Variants in CDH12 observed in about 807,000 individuals in gnomAD.
The protein encoded by CDH12 is cadherin-12.
Under a neutral mutation model 74.1 loss-of-function variants are expected in CDH12, and 41 were observed. The observed-to-expected ratio is 0.55, with a 90% CI of 0.43 to 0.72. CDH12 has a LOEUF of 0.72. Ranked by LOEUF, CDH12 falls within the 30% of genes least tolerant of loss-of-function variation. The pLI is 0.00. For synonymous variants in CDH12, 399 were observed against 355.0 expected (o/e 1.12, Z -1.39); for missense variants, 945 against 977.2 (o/e 0.97, Z 0.44).
chr5:22,153,901 T>TAC (rs1448948559), intron 4 of CDH12, among the ~76,000 whole-genome samples: 19 of 54,586 alleles, frequency 3.5e-4, no homozygotes, highest in Middle Eastern at 0.013. Context: ...TATATATATA[T>TAC]ATACACACAC....
intron 1 of CDH12, among the ~76,000 whole-genome samples, chr5:22,846,149 T>C (rs749251777): frequency 2.8e-4 from 42 of 152,084 alleles, no homozygotes; most frequent in Admixed American, 1.1e-3. Flanking sequence ...GGATGGATAA[T>C]TATGTTATTT....
chr5:22,051,098 C>T (rs932659686), intron 5 of CDH12, among the ~76,000 whole-genome samples: 1 of 152,094 alleles, frequency 6.6e-6, no homozygotes, highest in African/African-American at 2.4e-5. Flanking sequence ...TATTAAATAA[C>T]TTCTGCTTTA....
chr5:22,401,539 G>C (rs73058178), intron 3 of CDH12, among the ~76,000 whole-genome samples: 7,911 of 152,140 alleles, frequency 0.052, 704 homozygotes, highest in African/African-American at 0.18. Context: ...ATCTAAACTA[G>C]TAATAGACAC....
intron 7 of CDH12, among the ~76,000 whole-genome samples, chr5:21,853,330 C>A (rs532242467): frequency 6.6e-6 from 1 of 151,572 alleles, no homozygotes. Flanking sequence ...TTGTCCTAAG[C>A]CATTCTGGAT....
chr5:22,591,833 G>T (rs1367400368), intron 1 of CDH12, among the ~76,000 whole-genome samples: 2 of 152,092 alleles, frequency 1.3e-5, no homozygotes, highest in Non-Finnish European at 2.9e-5. Flanking sequence ...AAAACTGTAT[G>T]TTGGCATTAC....
chr5:22,359,609 C>A (rs1222189896), intron 3 of CDH12, among the ~76,000 whole-genome samples: 2 of 152,150 alleles, frequency 1.3e-5, no homozygotes, highest in Non-Finnish European at 2.9e-5. Flanking sequence ...CTCTCCACCC[C>A]AAATCAAGAG....
intron 3 of CDH12, among the ~76,000 whole-genome samples, chr5:22,390,732 A>C (rs1485565883): frequency 1.3e-5 from 2 of 152,182 alleles, no homozygotes; most frequent in Admixed American, 1.3e-4. Context: ...GAAAGACAAA[A>C]TTGTGGTCAC....
At chr5:22,612,266 G>GTTA (rs1332683256) in intron 1 of CDH12, among the ~76,000 whole-genome samples, 2 of 152,034 alleles carry the variant, frequency 1.3e-5, no homozygotes, top group Non-Finnish European at 2.9e-5. Flanking sequence ...TTACACTTCT[G>GTTA]TAAATCTTTA....
chr5:22,618,388 T>G (rs1005294810), intron 1 of CDH12, among the ~76,000 whole-genome samples: 2 of 152,126 alleles, frequency 1.3e-5, no homozygotes, highest in Non-Finnish European at 2.9e-5. Flanking sequence ...GTAGCTTTAA[T>G]CAGATATACG....
chr5:22,371,567 A>T (rs1279532368), intron 3 of CDH12, among the ~76,000 whole-genome samples: 2 of 152,150 alleles, frequency 1.3e-5, no homozygotes, highest in African/African-American at 4.8e-5. Context: ...ATTATTTTTT[A>T]ACCAACCACT....
intron 3 of CDH12, among the ~76,000 whole-genome samples, chr5:22,370,634 G>A (rs1320566688): frequency 6.6e-6 from 1 of 152,052 alleles, no homozygotes; most frequent in East Asian, 1.9e-4. Flanking sequence ...ACTCAAAATT[G>A]TAGCACTTAT....
At chr5:22,080,351 GAT>G (rs1251929755) in intron 4 of CDH12, among the ~76,000 whole-genome samples, 9 of 152,168 alleles carry the variant, frequency 5.9e-5, no homozygotes, top group Non-Finnish European at 1.2e-4. Context: ...CTTGAGATAA[GAT>G]ATGAGATGAG....
chr5:21,956,511 A>G (rs1452599827), intron 6 of CDH12, among the ~76,000 whole-genome samples: 1 of 151,960 alleles, frequency 6.6e-6, no homozygotes. Context: ...TATTCTGTTT[A>G]CTACATTTTA....
chr5:22,444,935 A>AT (rs997682202), intron 2 of CDH12, among the ~76,000 whole-genome samples: 1 of 152,110 alleles, frequency 6.6e-6, no homozygotes, highest in African/African-American at 2.4e-5. Context: ...CAGAAGACAT[A>AT]TTTTTCTTTC....
chr5:22,058,880 T>C (rs1231812228), intron 5 of CDH12, among the ~76,000 whole-genome samples: 1 of 152,152 alleles, frequency 6.6e-6, no homozygotes, highest in Non-Finnish European at 1.5e-5. Flanking sequence ...TATTTTTGAC[T>C]GTAGTTTTAA....
At position 22,621,741 on chromosome 5, in the gene CDH12, T is replaced by G. The variant is rs184707850; in HGVS notation, c.-522-116377A>C. On this transcript the variant is annotated intron_variant, in intron 1 of 14. Coordinates refer to ENST00000382254, the MANE Select transcript of CDH12 (RefSeq NM_004061.5). ...AACTTATAACACTAAATTTGAAATTTTAAATGCCATTTATATATTTCTCAA... is the reference window on the plus strand; with the variant it reads ...AACTTATAACACTAAATTTGAAATTGTAAATGCCATTTATATATTTCTCAA... 2.4e-3 allele frequency among the ~76,000 whole-genome samples: 369 copies of G among 152,216 alleles called. 2 individuals carry two copies. The highest frequency in any genetic ancestry group is 4.2e-3 in the Non-Finnish European group (287 of 68,000).
intron 10 of CDH12, among the ~76,000 whole-genome samples, chr5:21,785,231 C>G (rs1025338789): frequency 1.3e-5 from 2 of 152,108 alleles, no homozygotes; most frequent in Admixed American, 1.3e-4. Flanking sequence ...CGTTGTGTGT[C>G]CTGACTGCTT....
intron 6 of CDH12, among the ~76,000 whole-genome samples, chr5:21,972,010 T>A (rs180878041): frequency 6.6e-6 from 1 of 152,260 alleles, no homozygotes; most frequent in East Asian, 1.9e-4. Context: ...TCCTCTGAAA[T>A]CTTGACTCAT....
At chr5:22,057,583 T>G (rs953239123) in intron 5 of CDH12, among the ~76,000 whole-genome samples, 12 of 152,264 alleles carry the variant, frequency 7.9e-5, no homozygotes, top group African/African-American at 2.9e-4. Context: ...GTGGAGCCTG[T>G]CTATTCAGGT....
Sources: allele counts gnomAD v4.1 joint callset (sites outside exome capture counted in the v4.1 genomes callset), GRCh38; gene constraint gnomAD v4.1.1; transcripts MANE v1.5; gene names NCBI Gene and HGNC (gene_info 2026-07-23, HGNC 2026-07-21).